ZCCHC4: variants seen among roughly 807,000 people sequenced by gnomAD.
The protein encoded by ZCCHC4 is rRNA N(6)-adenosine-methyltransferase ZCCHC4.
Under a neutral mutation model 67.7 loss-of-function variants are expected in ZCCHC4, and 54 were observed. The observed-to-expected ratio is 0.80, with a 90% CI of 0.64 to 1.00. The LOEUF is 1.00. ZCCHC4 is among the 50% of genes least tolerant of loss of function. The probability of loss-of-function intolerance (pLI) is 0.00; values close to 1 mark genes in which losing one functional copy is unlikely to be tolerated. For missense variants in ZCCHC4, 609 were observed against 617.0 expected, an observed-to-expected ratio of 0.99 and a Z score of 0.14; for synonymous variants, 198 against 213.5, an observed-to-expected ratio of 0.93 and a Z score of 0.63.
At chr4:25,367,310 TATAGTC>T (rs1170317324) in intron 12 of ZCCHC4, among the ~76,000 whole-genome samples, 1 of 152,170 alleles carries the variant, frequency 6.6e-6, no homozygotes, top group African/African-American at 2.4e-5. Context: ...AAAACTGACT[TATAGTC>T]AGTTCATCAT....
intron 5 of ZCCHC4, among the ~76,000 whole-genome samples, chr4:25,342,051 C>G (rs1426351553): frequency 6.6e-6 from 1 of 152,032 alleles, no homozygotes; most frequent in Non-Finnish European, 1.5e-5. Flanking sequence ...CAAACAAAAA[C>G]TGATGGTGTT....
At chr4:25,347,291 C>A (rs181380232) in intron 6 of ZCCHC4, among the ~76,000 whole-genome samples, 1 of 152,196 alleles carries the variant, frequency 6.6e-6, no homozygotes, top group East Asian at 1.9e-4. Context: ...GGTTGGCTAG[C>A]AATTTTTTAT....
Position 25,353,490 on chromosome 4 carries a change from A to G in ZCCHC4, c.1011+1801A>G, listed in dbSNP as rs76560352. Among the ~76,000 whole-genome samples, 1,026 of 152,338 alleles carry G rather than the reference A, an allele frequency of 6.7e-3. 34 individuals are homozygous for G. The East Asian group carries it at 0.11, about 16-fold the overall frequency. On this transcript the variant is annotated intron_variant, in intron 8 of 12. Transcript: ENST00000302874. ...GATGCTTCTAGTATTGACATTTGCA[A>G]TACGGAGATAGCTGACATATTCTAA...
At chr4:25,361,405 C>G (rs533097131) in intron 8 of ZCCHC4, among the ~76,000 whole-genome samples, 96 of 152,356 alleles carry the variant, frequency 6.3e-4, no homozygotes, top group African/African-American at 2.1e-3. Context: ...AGGTGGCTTT[C>G]TGGCACAGCA....
Position 25,333,308 on chromosome 4 carries a change from C to T in ZCCHC4, c.455C>T (p.Thr152Ile). ...CAGGTTCTGGGTAATGTGTCCATTA[C>T]CCAGTTAAGAAGGCCCAGTCAACTC... ...EHQVLGNVSI[T>I]QLRRPSQLLY... Residue 152 changes from threonine (T) to isoleucine (I), a missense_variant, in exon 4 of 13, where the codon ACC becomes ATC. Thr to Ile is a moderately conservative substitution (Grantham distance 89). Coordinates refer to ENST00000302874, the MANE Select transcript of ZCCHC4 (RefSeq NM_024936.3). 1 of 1,614,038 alleles carries T rather than the reference C, an allele frequency of 6.2e-7. No homozygotes were observed. The highest frequency in any genetic ancestry group is 8.5e-7 in the Non-Finnish European group (1 of 1,179,988).
chr4:25,368,820 A>AT (rs1034486863), intron 12 of ZCCHC4, among the ~76,000 whole-genome samples: 3 of 151,776 alleles, frequency 2.0e-5, no homozygotes, highest in East Asian at 1.9e-4. Flanking sequence ...CTTTTAAAGA[A>AT]TTTTTTTTTC....
Position 25,312,888 on chromosome 4 carries a change from G to T in ZCCHC4, c.79G>T (p.Val27Leu). 1 of 1,612,972 alleles carries T rather than the reference G, an allele frequency of 6.2e-7. No individual in the cohort carries two copies. Among genetic ancestry groups the T allele is most frequent in the Non-Finnish European group, 8.5e-7 (1 of 1,180,014 alleles). Residue 27 changes from valine (V) to leucine (L), a missense_variant, in exon 1 of 13, where the codon GTG becomes TTG. By Grantham distance (32) the Val-to-Leu change is conservative. Coordinates refer to ENST00000302874, the MANE Select transcript of ZCCHC4 (RefSeq NM_024936.3). Reference sequence around the variant, plus strand: ...GTGCCGGGGAAGCTCGGGAATGGAGGTGGTGCTTCCTTTGGATCCTGCCGT... The same window carrying T: ...GTGCCGGGGAAGCTCGGGAATGGAGTTGGTGCTTCCTTTGGATCCTGCCGT... ...AGCRGSSGMEVVLPLDPAVPA... is the reference protein window; with the variant it reads ...AGCRGSSGMELVLPLDPAVPA...
At chr4:25,329,392 A>G (rs1003750509) in intron 3 of ZCCHC4, among the ~76,000 whole-genome samples, 2 of 150,686 alleles carry the variant, frequency 1.3e-5, no homozygotes, top group East Asian at 1.9e-4. Context: ...TTCATTTTGT[A>G]TCATTCTGAG....
intron 3 of ZCCHC4, among the ~76,000 whole-genome samples, chr4:25,320,047 A>T (rs776407785): frequency 6.6e-6 from 1 of 152,072 alleles, no homozygotes; most frequent in Non-Finnish European, 1.5e-5. Flanking sequence ...TTATTATAGG[A>T]TTGGTAGCGC....
chr4:25,316,649 A>G (rs758516757), intron 3 of ZCCHC4, among the ~76,000 whole-genome samples: 16 of 152,104 alleles, frequency 1.1e-4, no homozygotes, highest in Non-Finnish European at 1.8e-4. Flanking sequence ...TCCTTTATCT[A>G]TTTTTAATTG....
intron 6 of ZCCHC4, 99 bp from the exon 7 acceptor site, chr4:25,349,393 A>G (rs923397354): frequency 8.7e-7 from 1 of 1,152,126 alleles, no homozygotes. Context: ...TAAAGTTTCC[A>G]GTATTAAGAG....
chr4:25,314,346 T>C (rs1184552910), intron 2 of ZCCHC4, among the ~76,000 whole-genome samples, 182 bp downstream of exon 2: 1 of 152,254 alleles, frequency 6.6e-6, no homozygotes, highest in Non-Finnish European at 1.5e-5. Context: ...TACTGATATC[T>C]TAAACTACTG....
chr4:25,367,561 A>C (rs896310274), intron 12 of ZCCHC4, among the ~76,000 whole-genome samples: 1 of 152,174 alleles, frequency 6.6e-6, no homozygotes, highest in African/African-American at 2.4e-5. Context: ...TTGCTAAATC[A>C]TCACTTATCA....
chr4:25,313,565 G>A (rs1718069955), intron 1 of ZCCHC4, among the ~76,000 whole-genome samples: 1 of 152,198 alleles, frequency 6.6e-6, no homozygotes, highest in Admixed American at 6.5e-5. Context: ...TTGTAACAGA[G>A]AGAAAAGAAA....
chr4:25,317,903 C>G (rs1351222299), intron 3 of ZCCHC4, among the ~76,000 whole-genome samples: 1 of 151,874 alleles, frequency 6.6e-6, no homozygotes, highest in African/African-American at 2.4e-5. Context: ...CATCTTATGC[C>G]TGATTCTAAA....
chr4:25,334,239 G>T (rs1219340951), intron 5 of ZCCHC4, among the ~76,000 whole-genome samples: 1 of 152,136 alleles, frequency 6.6e-6, no homozygotes, highest in Non-Finnish European at 1.5e-5. Flanking sequence ...TTCGTCTTTG[G>T]CTTATAATCT....
intron 3 of ZCCHC4, among the ~76,000 whole-genome samples, chr4:25,331,185 G>T (rs1000617049): frequency 6.6e-6 from 1 of 152,152 alleles, no homozygotes; most frequent in Non-Finnish European, 1.5e-5. Context: ...GTTTTGGGCT[G>T]CTAGTTGTCC....
At chr4:25,333,137 C>A (rs759602897) in intron 3 of ZCCHC4, 46 bp from the exon 4 acceptor site, 1 of 1,571,946 alleles carries the variant, frequency 6.4e-7, no homozygotes. Context: ...GTGTTTACAA[C>A]AATAAACTTA....
At chr4:25,325,938 T>C (rs1480812609) in intron 3 of ZCCHC4, among the ~76,000 whole-genome samples, 3 of 152,198 alleles carry the variant, frequency 2.0e-5, no homozygotes, top group Admixed American at 6.5e-5. Flanking sequence ...AAAAATACTT[T>C]TCCAGCACCA....
Sources: allele counts gnomAD v4.1 joint callset (sites outside exome capture counted in the v4.1 genomes callset), GRCh38; gene constraint gnomAD v4.1.1; transcripts MANE v1.5; gene names NCBI Gene and HGNC (gene_info 2026-07-23, HGNC 2026-07-21).